ZFAND2A: variants seen among roughly 807,000 people sequenced by gnomAD.
ZFAND2A encodes zinc finger AN1-type containing 2A.
In ZFAND2A, 20 loss-of-function variants were observed where a neutral mutation model predicts 11.6. The observed-to-expected ratio is 1.72, with a 90% CI of 1.21 to 2.50. ZFAND2A has a LOEUF of 2.50. Ranked by LOEUF, ZFAND2A falls within the 30% of genes most tolerant of loss-of-function variation. The pLI, the probability that ZFAND2A is intolerant of heterozygous loss-of-function variation, is 0.00. For missense variants in ZFAND2A, 234 were observed against 182.9 expected, an observed-to-expected ratio of 1.28 and a Z score of -1.61; for synonymous variants, 93 against 60.6, an observed-to-expected ratio of 1.54 and a Z score of -2.48.
rs546524258 is a variant in ZFAND2A at position 1,154,554 on chromosome 7, C to T, written c.282+899G>A. 5.9e-5 allele frequency among the ~76,000 whole-genome samples: 9 copies of T among 152,262 alleles called. No homozygotes were observed. The South Asian group carries it at 1.7e-3, about 28-fold the overall frequency. ...TGTGATGTCTCAGAGGCTTAAGAGA[C>T]CTCCAGAGGCTGAGGGTCCCAGGGC... is the stretch of plus-strand genomic sequence containing the variant. On this transcript the variant is annotated intron_variant, in intron 4 of 4. Coordinates refer to ENST00000316495, the MANE Select transcript of ZFAND2A (RefSeq NM_182491.4).
intron 4 of ZFAND2A, among the ~76,000 whole-genome samples, chr7:1,153,498 T>A (rs1793448062): frequency 6.6e-6 from 1 of 152,156 alleles, no homozygotes; most frequent in South Asian, 2.1e-4. Context: ...CGCCTTGGCC[T>A]CCCAAAGTGC....
chr7:1,153,076 G>A lies in ZFAND2A; in HGVS notation c.431C>T (p.Ala144Val). Residue 144 changes from alanine to valine, a missense_variant, in exon 5 of 5, where the codon GCT (alanine) becomes GTT (valine). Transcript: ENST00000316495. ...CRHGSRPTIK[A>V]G ...TCGCAGCGGAGTCTCTTCTCACCCA[G>A]CTTTGATGGTGGGGCGACTCCCGTG... 6.2e-7 allele frequency: 1 copy of A among 1,614,148 alleles called. No individual in the cohort carries two copies. The highest frequency in any genetic ancestry group is 8.5e-7 in the Non-Finnish European group (1 of 1,180,032).
chr7:1,149,296 C>T (rs558836416), downstream of ZFAND2A, among the ~76,000 whole-genome samples: 32 of 152,228 alleles, frequency 2.1e-4, no homozygotes, highest in Non-Finnish European at 3.5e-4. Flanking sequence ...GTGCTGGCTG[C>T]GTTTTCCTTG....
downstream of ZFAND2A, among the ~76,000 whole-genome samples, chr7:1,150,887 C>CTTTTTTTTTTTT (rs10568309): frequency 7.2e-3 from 924 of 127,950 alleles, 7 homozygotes; most frequent in Non-Finnish European, 0.011. Context: ...ACAACTGTGC[C>CTTTTTTTTTTTT]TTTTTTTTTT....
chr7:1,156,223 C>T (rs1328065191), intron 3 of ZFAND2A, among the ~76,000 whole-genome samples: 2 of 35,092 alleles, frequency 5.7e-5, no homozygotes, highest in Admixed American at 2.6e-4. Context: ...AGGGGTGGAC[C>T]GCCCAGCAGC....
chr7:1,155,331 G>C, intron 4 of ZFAND2A, 122 bp downstream of exon 4: 1 of 1,408,756 alleles, frequency 7.1e-7, no homozygotes, highest in Admixed American at 2.3e-5. Context: ...CGCAGCGTTA[G>C]GACTCTTCTT....
chr7:1,155,731 T>TG, intron 3 of ZFAND2A, 147 bp from the exon 4 acceptor site: 1 of 1,000,130 alleles, frequency 1.0e-6, no homozygotes, highest in Non-Finnish European at 1.4e-6. Flanking sequence ...AAAGCATCAC[T>TG]GGGTCATGGA....
chr7:1,158,589 G>A (rs889897388), intron 1 of ZFAND2A, among the ~76,000 whole-genome samples: 4 of 152,156 alleles, frequency 2.6e-5, no homozygotes, highest in Non-Finnish European at 5.9e-5. Flanking sequence ...TTTATCCATG[G>A]AATATACTTG....
chr7:1,155,912 G>A (rs1423673439), intron 3 of ZFAND2A, among the ~76,000 whole-genome samples: 1 of 152,220 alleles, frequency 6.6e-6, no homozygotes, highest in Non-Finnish European at 1.5e-5. Context: ...GGAGATGGAG[G>A]GAAACATGGA....
In ZFAND2A at chr7:1,158,162, C is replaced by T. The variant is rs745367702; in HGVS notation, c.51G>A (p.Gln17=). 3 of 1,614,112 alleles carry T rather than the reference C, an allele frequency of 1.9e-6. No individual in the cohort carries two copies. The highest frequency in any genetic ancestry group is 2.2e-5 in the East Asian group (1 of 44,884). ...AAGTCTCTTAAAAGTACTCACCTAG[C>T]TGCTTGCAAGTCTTTTCTGAACAAT... ...GKHCSEKTCK[Q]LDFLPVKCDA... Residue 17 remains glutamine (Q), a synonymous_variant, in exon 2 of 5, where the codon CAG becomes CAA. Coordinates refer to ENST00000316495, the MANE Select transcript of ZFAND2A (RefSeq NM_182491.4).
intron 1 of ZFAND2A, 147 bp from the exon 2 acceptor site, chr7:1,158,404 C>A: frequency 1.7e-6 from 1 of 576,566 alleles, no homozygotes; most frequent in Non-Finnish European, 3.1e-6. Context: ...CAGGTGTCCG[C>A]CATTCGTAGT....
At chr7:1,149,582 G>A (rs772482410), downstream of ZFAND2A, among the ~76,000 whole-genome samples, 7 of 152,206 alleles carry the variant, frequency 4.6e-5, no homozygotes, top group Admixed American at 3.9e-4. Context: ...GGATGTGCAC[G>A]GCCAGGTGAT....
chr7:1,153,478 G>A (rs574714780), intron 4 of ZFAND2A, among the ~76,000 whole-genome samples: 4 of 152,158 alleles, frequency 2.6e-5, no homozygotes, highest in Non-Finnish European at 5.9e-5. Flanking sequence ...TCAGCCTCAG[G>A]TGATCCTCCC....
At position 1,158,262 on chromosome 7, in the gene ZFAND2A, A is replaced by AGGCAGCTGAGGTGAGC; in HGVS notation, c.-45-6_-45-5insGCTCACCTCAGCTGCC. 3.2e-6 allele frequency: 5 copies of AGGCAGCTGAGGTGAGC among 1,561,038 alleles called. No individual in the cohort carries two copies. The South Asian group carries it at 3.4e-5, about 11-fold the overall frequency. The stretch of plus-strand genomic sequence containing the variant: ...GATGGCGGAGTTAAGTGTCACCTAC[A>AGGCAGCTGAGGTGAGC]AGAGAATCAGAATAGTTAGGAGGAA... On this transcript the variant is annotated splice_polypyrimidine_tract_variant and splice_region_variant and intron_variant, in intron 1 of 4. Transcript: ENST00000316495.
intron 1 of ZFAND2A, among the ~76,000 whole-genome samples, chr7:1,158,459 C>T (rs1335608871): frequency 5.3e-5 from 8 of 152,184 alleles, no homozygotes; most frequent in Non-Finnish European, 1.0e-4. Flanking sequence ...CCTTTTAATT[C>T]CTAGTCTATG....
At chr7:1,155,410 C>G in intron 4 of ZFAND2A, 43 bp downstream of exon 4, 2 of 1,592,668 alleles carry the variant, frequency 1.3e-6, no homozygotes, top group Non-Finnish European at 1.7e-6. Flanking sequence ...AAGGAAAAAC[C>G]AGGCTTCCCA....
chr7:1,152,109 G>C, downstream of ZFAND2A: 1 of 1,179,964 alleles, frequency 8.5e-7, no homozygotes, highest in Non-Finnish European at 1.1e-6. Context: ...TCCCAGTCCT[G>C]TGTCCTTCAT....
intron 3 of ZFAND2A, chr7:1,157,063 G>C (rs1793544254): frequency 6.6e-6 from 1 of 152,142 alleles, no homozygotes; most frequent in Admixed American, 6.6e-5. Flanking sequence ...AATGACCTGT[G>C]ACCCATCCAG....
At chr7:1,151,795 A>G (rs187367187), downstream of ZFAND2A, among the ~76,000 whole-genome samples, 79 of 146,700 alleles carry the variant, frequency 5.4e-4, no homozygotes, top group African/African-American at 1.9e-3. Flanking sequence ...CCAGCATTGA[A>G]GCTGGGGATT....
Sources: allele counts gnomAD v4.1 joint callset (sites outside exome capture counted in the v4.1 genomes callset), GRCh38; gene constraint gnomAD v4.1.1; transcripts MANE v1.5; gene names NCBI Gene and HGNC (gene_info 2026-07-23, HGNC 2026-07-21).